ANKRD9: variants seen among roughly 807,000 people sequenced by gnomAD.
ANKRD9 encodes ankyrin repeat domain 9, also known as ankyrin repeat domain-containing protein 9.
A neutral mutation model predicts 19.2 loss-of-function variants in ANKRD9; 13 were observed. That is an observed-to-expected ratio of 0.68 (90% CI 0.44 to 1.08). The LOEUF is 1.08. Ranked by LOEUF, ANKRD9 falls within the 50% of genes least tolerant of loss-of-function variation. The pLI, the probability that ANKRD9 is intolerant of heterozygous loss-of-function variation, is 0.00. For synonymous variants in ANKRD9, 278 were observed against 256.8 expected, an observed-to-expected ratio of 1.08 and a Z score of -0.79; for missense variants, 518 against 499.9, an observed-to-expected ratio of 1.04 and a Z score of -0.34.
At position 102,507,185 on chromosome 14, in the gene ANKRD9, CAGG is replaced by C; in HGVS notation, c.702_704del (p.Leu235del). On this transcript the variant is annotated inframe_deletion, in exon 4 of 4. Coordinates refer to ENST00000286918, the MANE Select transcript of ANKRD9 (RefSeq NM_152326.4). This position sits in a 1 kb window ranked among gnomAD's most constrained non-coding sequence, Gnocchi z 9.2. ...CGGCACCCACGGGGGTGTACAGCGC[CAGG>C]AGGTCCAGCAGCAGCAGGCGGCGCT... 1 of 1,340,798 alleles carries C rather than the reference CAGG, an allele frequency of 7.5e-7. No individual in the cohort carries two copies. 83.1% of individuals were successfully genotyped at this position (1,340,798 alleles called of 1,614,324 possible). A position where few individuals can be genotyped will look rare whatever the true frequency, so the allele number is the denominator to read the frequency against.
At position 102,507,856 on chromosome 14, in the gene ANKRD9, C is replaced by G. The variant is rs1390440184; in HGVS notation, c.34G>C (p.Ala12Pro). Residue 12 changes from alanine (A) to proline (P), a missense_variant, in exon 4 of 4, where the codon GCG becomes CCG. Transcript: ENST00000286918. This position sits in a 1 kb window ranked among gnomAD's most constrained non-coding sequence, Gnocchi z 9.2. ...CCCGAGGCCTCGGGCCCGCCGTCCGCGCCACCCCCAGGCCGCCGCGCGTCC... is the reference window on the plus strand; with the variant it reads ...CCCGAGGCCTCGGGCCCGCCGTCCGGGCCACCCCCAGGCCGCCGCGCGTCC... ...PWDARRPGGG[A>P]DGGPEASGAA... 7 of 1,210,476 alleles carry G rather than the reference C, an allele frequency of 5.8e-6. No homozygotes were observed. Among genetic ancestry groups the G allele is most frequent in the Non-Finnish European group, 4.2e-6 (4 of 963,076 alleles). 75.0% of individuals were successfully genotyped at this position (1,210,476 alleles called of 1,614,324 possible). A position where few individuals can be genotyped will look rare whatever the true frequency, so the allele number is the denominator to read the frequency against.
chr14:102,509,413 C>G lies in ANKRD9; in HGVS notation c.-335+116G>C, dbSNP rs1262412794. The G allele has an allele frequency of 1.2e-4, 18 of 149,138 alleles. No individual in the cohort carries two copies. The East Asian group carries it at 1.7e-3, about 14-fold the overall frequency. 9.2% of individuals were successfully genotyped at this position (149,138 alleles called of 1,614,324 possible). On this transcript the variant is annotated intron_variant, in intron 1 of 3. Transcript: ENST00000286918. ...GTCGGGCGGCGGAGGGTCGCGGGGC[C>G]GAGCGGGGCGTCCGCGCGCAGGTGG...
rs1157604386 is a variant in ANKRD9, at chr14:102,505,045, G to A, written c.*1891C>T. On this transcript the variant is annotated 3_prime_UTR_variant, in exon 4 of 4. Transcript: ENST00000286918. ...CAAAGGGGCAGCTGTAGATCTAGGAGGGACGTGGAGGGGGCTAGCCCTGGG... is the reference window on the plus strand; with the variant it reads ...CAAAGGGGCAGCTGTAGATCTAGGAAGGACGTGGAGGGGGCTAGCCCTGGG... 1 of 152,758 alleles carries A rather than the reference G, an allele frequency of 6.5e-6. No homozygotes were observed. Among genetic ancestry groups the A allele is most frequent in the Non-Finnish European group, 1.5e-5 (1 of 68,460 alleles). 9.5% of individuals were successfully genotyped at this position (152,758 alleles called of 1,614,324 possible). A position where few individuals can be genotyped will look rare whatever the true frequency, so the allele number is the denominator to read the frequency against.
chr14:102,507,486 G>T lies in ANKRD9; in HGVS notation c.404C>A (p.Thr135Asn), dbSNP rs970630663. 2.9e-6 allele frequency: 4 copies of T among 1,395,358 alleles called. No homozygotes were observed. The Admixed American group carries it at 8.7e-5, about 30-fold the overall frequency. 86.4% of individuals were successfully genotyped at this position (1,395,358 alleles called of 1,614,324 possible). A position where few individuals can be genotyped will look rare whatever the true frequency, so the allele number is the denominator to read the frequency against. Reference sequence around the variant, plus strand: ...CTCCTCGGCCGGGAAGTCGCGCAAGGTGCGCAGGATGCGGCGCAGAATGCC... The same window carrying T: ...CTCCTCGGCCGGGAAGTCGCGCAAGTTGCGCAGGATGCGGCGCAGAATGCC... ...RVGILRRILR[T>N]LRDFPAEERA... is the part of the protein sequence containing the mutation. The change falls in exon 4 of 4, where the codon ACC (threonine) becomes AAC (asparagine). Residue 135 changes from threonine to asparagine, a missense_variant. Physicochemically the swap from Thr to Asn is moderately conservative, Grantham distance 65. Coordinates refer to ENST00000286918, the MANE Select transcript of ANKRD9 (RefSeq NM_152326.4). This position sits in a 1 kb window ranked among gnomAD's most constrained non-coding sequence, Gnocchi z 9.2.
rs1297492824 is a variant in ANKRD9, at chr14:102,507,201, A to C, written c.689T>G (p.Leu230Arg). Residue 230 changes from leucine (L) to arginine (R), a missense_variant, in exon 4 of 4, where the codon CTG becomes CGG. Physicochemically the swap from Leu to Arg is moderately radical, Grantham distance 102 (BLOSUM62 -2). Transcript: ENST00000286918. The surrounding 1 kb of genome is among the most constrained non-coding windows in gnomAD (Gnocchi z 9.2). The part of the protein sequence containing the change: ...APGEPRQRRL[L>R]LLDLLALYTP... ...GTACAGCGCCAGGAGGTCCAGCAGC[A>C]GCAGGCGGCGCTGGCGCGGCTCCCC... 5 of 1,310,436 alleles carry C rather than the reference A, an allele frequency of 3.8e-6. No individual in the cohort carries two copies. In the East Asian group the frequency reaches 1.7e-4, roughly 43 times the overall value. 81.2% of individuals were successfully genotyped at this position (1,310,436 alleles called of 1,614,324 possible).
In ANKRD9 at chr14:102,507,289, G is replaced by A. The variant is rs1430260554; in HGVS notation, c.601C>T (p.Arg201Cys). The change falls in exon 4 of 4, where the codon CGC (arginine) becomes TGC (cysteine). Residue 201 changes from arginine (R) to cysteine (C), a missense_variant. Arg to Cys is a radical substitution (Grantham distance 180, BLOSUM62 -3). Transcript: ENST00000286918. This position sits in a 1 kb window ranked among gnomAD's most constrained non-coding sequence, Gnocchi z 9.2. ...GCCCCGGCGTCGCGGCCCAGCTGGC[G>A]CAGCAGCAGCTCGAGAGGCGTGAGG... ...GGLTPLELLL[R>C]QLGRDAGATP... The A allele has an allele frequency of 8.2e-7, 1 of 1,220,772 alleles. No homozygotes were observed. Among genetic ancestry groups the A allele is most frequent in the Non-Finnish European group, 1.0e-6 (1 of 977,000 alleles). 75.6% of individuals were successfully genotyped at this position (1,220,772 alleles called of 1,614,324 possible).
rs1185971921 is a variant in ANKRD9 at position 102,507,145 on chromosome 14, G to C, written c.745C>G (p.Gln249Glu). Residue 249 changes from glutamine (Q) to glutamate (E), a missense_variant, in exon 4 of 4, where the codon CAG becomes GAG. Gln to Glu is a conservative substitution (Grantham distance 29). Transcript: ENST00000286918. This position sits in a 1 kb window ranked among gnomAD's most constrained non-coding sequence, Gnocchi z 9.2. ...TPVGAAGSAR[Q>E]ELLGDRPRWQ... Reference sequence around the variant, plus strand: ...CGCGGCCGGTCGCCCAGCAGCTCCTGGCGGGCCGAGCCGGCGGCACCCACG... The same window carrying C: ...CGCGGCCGGTCGCCCAGCAGCTCCTCGCGGGCCGAGCCGGCGGCACCCACG... The C allele has an allele frequency of 6.9e-7, 1 of 1,440,016 alleles. No individual in the cohort carries two copies. The highest frequency in any genetic ancestry group is 9.1e-7 in the Non-Finnish European group (1 of 1,104,388). The allele number at this position is 1,440,016 out of a possible 1,614,324, so 89.2% of individuals were successfully genotyped here. A position where few individuals can be genotyped will look rare whatever the true frequency, so the allele number is the denominator to read the frequency against.
Position 102,503,714 on chromosome 14 carries a change from C to T in ANKRD9, c.*3222G>A, listed in dbSNP as rs1891507904. The T allele has an allele frequency of 6.6e-6, 1 of 152,254 alleles. No individual in the cohort carries two copies. Among genetic ancestry groups the T allele is most frequent in the African/African-American group, 2.4e-5 (1 of 41,444 alleles). 9.4% of individuals were successfully genotyped at this position (152,254 alleles called of 1,614,324 possible). On this transcript the variant is annotated 3_prime_UTR_variant, in exon 4 of 4. Transcript: ENST00000286918. Reference sequence around the variant, plus strand: ...CTCAATCTGAAAAGTATCAGGGCAACACCACACACTGCAGAGGGGCAGGGC... The same window carrying T: ...CTCAATCTGAAAAGTATCAGGGCAATACCACACACTGCAGAGGGGCAGGGC...
At position 102,509,719 on chromosome 14, in the gene ANKRD9, C is replaced by CGGCGGCGGGCGGCG. The variant is rs1018996891; in HGVS notation, c.-539_-526dup. On this transcript the variant is annotated 5_prime_UTR_variant, in exon 1 of 4. Coordinates refer to ENST00000286918, the MANE Select transcript of ANKRD9 (RefSeq NM_152326.4). ...GATCGCAGGGCGGCGGTGCCGTCGC[C>CGGCGGCGGGCGGCG]GGCGGCGGGCGGCGGGCGGCGGGCG... is the stretch of plus-strand genomic sequence containing the variant. 37 of 143,934 alleles carry CGGCGGCGGGCGGCG rather than the reference C, an allele frequency of 2.6e-4. No individual in the cohort carries two copies. The highest frequency in any genetic ancestry group is 1.5e-3 in the East Asian group (7 of 4,706). 8.9% of individuals were successfully genotyped at this position (143,934 alleles called of 1,614,324 possible).
Position 102,509,737 on chromosome 14 carries a change from G to A in ANKRD9, c.-543C>T, listed in dbSNP as rs955194437. 7.5e-5 allele frequency: 11 copies of A among 145,946 alleles called. No individual in the cohort carries two copies. The highest frequency in any genetic ancestry group is 3.4e-4 in the Admixed American group (5 of 14,722). The allele number at this position is 145,946 out of a possible 1,614,324, so 9.0% of individuals were successfully genotyped here. Reference sequence around the variant, plus strand: ...CCGTCGCCGGCGGCGGGCGGCGGGCGGCGGGCGGCGGGCGGCGCAGTGCGG... The same window carrying A: ...CCGTCGCCGGCGGCGGGCGGCGGGCAGCGGGCGGCGGGCGGCGCAGTGCGG... On this transcript the variant is annotated 5_prime_UTR_variant, in exon 1 of 4. Coordinates refer to ENST00000286918, the MANE Select transcript of ANKRD9 (RefSeq NM_152326.4).
Position 102,501,927 on chromosome 14 carries a change from A to G in ANKRD9, c.*5009T>C, listed in dbSNP as rs1191345690. On this transcript the variant is annotated 3_prime_UTR_variant, in exon 4 of 4. Coordinates refer to ENST00000286918, the MANE Select transcript of ANKRD9 (RefSeq NM_152326.4). The stretch of plus-strand genomic sequence containing the variant: ...GGGAGCCCCCCATTGGCGCCGCCCT[A>G]CTGGGGAAGCCGGTCCGTACGTAGG... 3 of 152,208 alleles carry G rather than the reference A, an allele frequency of 2.0e-5. No individual in the cohort carries two copies. The highest frequency in any genetic ancestry group is 7.2e-5 in the African/African-American group (3 of 41,446). 9.4% of individuals were successfully genotyped at this position (152,208 alleles called of 1,614,324 possible).
At position 102,506,534 on chromosome 14, in the gene ANKRD9, GT is replaced by G. The variant is rs1373077761; in HGVS notation, c.*401del. 1 of 171,124 alleles carries G rather than the reference GT, an allele frequency of 5.8e-6. No individual in the cohort carries two copies. The highest frequency in any genetic ancestry group is 1.2e-5 in the Non-Finnish European group (1 of 81,088). 10.6% of individuals were successfully genotyped at this position (171,124 alleles called of 1,614,324 possible). On this transcript the variant is annotated 3_prime_UTR_variant, in exon 4 of 4. Coordinates refer to ENST00000286918, the MANE Select transcript of ANKRD9 (RefSeq NM_152326.4). Reference sequence around the variant, plus strand: ...AAAGGCTGACCGCACAGGACCTCCCGTGAGAACCCTACGCTGCAGAGCTCGT... The same window carrying G: ...AAAGGCTGACCGCACAGGACCTCCCGGAGAACCCTACGCTGCAGAGCTCGT...
In ANKRD9 at chr14:102,506,981, C is replaced by A. The variant is rs751633061; in HGVS notation, c.909G>T (p.Pro303=). The A allele has an allele frequency of 6.4e-7, 1 of 1,567,940 alleles. No individual in the cohort carries two copies. ...CCAACGGCTGCAGGAATGGGGGCAG[C>A]GGCAGCTCGTCCAGGGCCTCGGGGA... ...GRFPEALDEL[P]LPPFLQPLDL... Residue 303 remains proline, a synonymous_variant, in exon 4 of 4, where the codon CCG becomes CCT. Transcript: ENST00000286918.
chr14:102,509,610 G>A lies in ANKRD9; in HGVS notation c.-416C>T, dbSNP rs1440398710. The A allele has an allele frequency of 1.4e-5, 2 of 146,166 alleles. No individual in the cohort carries two copies. The highest frequency in any genetic ancestry group is 2.4e-5 in the African/African-American group (1 of 40,876). 9.1% of individuals were successfully genotyped at this position (146,166 alleles called of 1,614,324 possible). On this transcript the variant is annotated 5_prime_UTR_variant, in exon 1 of 4. Transcript: ENST00000286918. ...CGCGCGCTGTCCCCCGCGGGCGAGC[G>A]GGCAAAGGTCCCACGACGGACGCAC... is the stretch of plus-strand genomic sequence containing the variant.
chr14:102,507,826 C>T lies in ANKRD9; in HGVS notation c.64G>A (p.Ala22Thr), dbSNP rs1567373471. The T allele has an allele frequency of 7.3e-6, 10 of 1,377,918 alleles. No individual in the cohort carries two copies. The highest frequency in any genetic ancestry group is 7.6e-6 in the Non-Finnish European group (8 of 1,049,880). 85.4% of individuals were successfully genotyped at this position (1,377,918 alleles called of 1,614,324 possible). A position where few individuals can be genotyped will look rare whatever the true frequency, so the allele number is the denominator to read the frequency against. Residue 22 changes from alanine to threonine, a missense_variant, in exon 4 of 4, where the codon GCG becomes ACG. Transcript: ENST00000286918. This position sits in a 1 kb window ranked among gnomAD's most constrained non-coding sequence, Gnocchi z 9.2. ...ADGGPEASGA[A>T]RSRAQKQCRK... ...CACTGCTTCTGCGCTCGCGAGCGCG[C>T]CGCGCCCGAGGCCTCGGGCCCGCCG...
At position 102,506,898 on chromosome 14, in the gene ANKRD9, G is replaced by C. The variant is rs756676469; in HGVS notation, c.*38C>G. ...TGCCGGTACAACGCTCTGAAAAATA[G>C]TTTTGTCCCAAAATCCAGCGCCTAG... On this transcript the variant is annotated 3_prime_UTR_variant, in exon 4 of 4. Transcript: ENST00000286918. The C allele has an allele frequency of 7.0e-7, 1 of 1,427,358 alleles. No individual in the cohort carries two copies. Among genetic ancestry groups the C allele is most frequent in the Admixed American group, 2.7e-5 (1 of 36,812 alleles). The allele number at this position is 1,427,358 out of a possible 1,614,324, so 88.4% of individuals were successfully genotyped here. A position where few individuals can be genotyped will look rare whatever the true frequency, so the allele number is the denominator to read the frequency against.
chr14:102,508,059 C>G lies in ANKRD9; in HGVS notation c.-53-117G>C. 1.6e-6 allele frequency: 1 copy of G among 626,992 alleles called. No homozygotes were observed. Among genetic ancestry groups the G allele is most frequent in the African/African-American group, 2.0e-5 (1 of 50,246 alleles). The allele number at this position is 626,992 out of a possible 1,614,324, so 38.8% of individuals were successfully genotyped here. A position where few individuals can be genotyped will look rare whatever the true frequency, so the allele number is the denominator to read the frequency against. ...TGGCCCACCAGGCCTGTACCTACCT[C>G]CAGCCTCGGCCAGGCCCTTCCAGTC... On this transcript the variant is annotated intron_variant, in intron 3 of 3. Transcript: ENST00000286918. This position sits in a 1 kb window ranked among gnomAD's most constrained non-coding sequence, Gnocchi z 6.2.
chr14:102,507,688 C>T lies in ANKRD9; in HGVS notation c.202G>A (p.Ala68Thr). The T allele has an allele frequency of 1.3e-6, 2 of 1,551,210 alleles. No individual in the cohort carries two copies. Among genetic ancestry groups the T allele is most frequent in the Admixed American group, 1.8e-5 (1 of 55,132 alleles). ...AFHWDERGRA[A>T]AYSPSEALLY... ...AGCGCCTCAGAGGGCGAGTAGGCGGCGGCGCGCCCGCGCTCGTCCCAGTGG... is the reference window on the plus strand; with the variant it reads ...AGCGCCTCAGAGGGCGAGTAGGCGGTGGCGCGCCCGCGCTCGTCCCAGTGG... Residue 68 changes from alanine to threonine, a missense_variant, in exon 4 of 4, where the codon GCC becomes ACC. By Grantham distance (58) the Ala-to-Thr change is moderately conservative. Coordinates refer to ENST00000286918, the MANE Select transcript of ANKRD9 (RefSeq NM_152326.4). This position sits in a 1 kb window ranked among gnomAD's most constrained non-coding sequence, Gnocchi z 9.2.
chr14:102,506,955 T>A lies in ANKRD9; in HGVS notation c.935A>T (p.Asp312Val), dbSNP rs1382011413. Residue 312 changes from aspartate (D) to valine (V), a missense_variant, in exon 4 of 4, where the codon GAC (aspartate) becomes GTC (valine). Physicochemically the swap from Asp to Val is radical, Grantham distance 152 (BLOSUM62 -3). Transcript: ENST00000286918. Reference protein sequence around the residue: ...LPLPPFLQPLDLTGKG With the variant: ...LPLPPFLQPLVLTGKG ...CCGGGCCTAGCCTTTGCCAGTGAGGTCCAACGGCTGCAGGAATGGGGGCAG... is the reference window on the plus strand; with the variant it reads ...CCGGGCCTAGCCTTTGCCAGTGAGGACCAACGGCTGCAGGAATGGGGGCAG... 2 of 1,544,806 alleles carry A rather than the reference T, an allele frequency of 1.3e-6. No individual in the cohort carries two copies. The highest frequency in any genetic ancestry group is 2.8e-5 in the African/African-American group (2 of 71,088).
Sources: gnomAD v4.1 joint callset for allele counts on GRCh38, gnomAD v4.1.1 for gene constraint, Gnocchi (gnomAD v3.1) non-coding constraint, MANE v1.5 for transcripts, NCBI Gene and HGNC (gene_info 2026-07-23, HGNC 2026-07-21) for gene names.